Variants in POLQ observed in about 807,000 individuals in gnomAD.
POLQ encodes the protein DNA polymerase theta.
Under a neutral mutation model 259.2 loss-of-function variants are expected in POLQ, and 233 were observed. The ratio of observed to expected loss-of-function variants is 0.90; its 90% CI spans 0.81 to 1.00. POLQ has a LOEUF of 1.00. Ranked by LOEUF, POLQ falls within the 50% of genes least tolerant of loss-of-function variation. The pLI, the probability that POLQ is intolerant of heterozygous loss-of-function variation, is 0.00. For missense variants in POLQ, 2,871 were observed against 3,051.6 expected (o/e 0.94, Z 1.39); for synonymous variants, 1,025 against 1,048.8 (o/e 0.98, Z 0.44).
rs781406646 is a variant in POLQ at position 121,493,734 on chromosome 3, T to C, written c.2279-13A>G. 9 of 1,599,142 alleles carry C rather than the reference T, an allele frequency of 5.6e-6. No homozygotes were observed. The Admixed American group carries it at 8.6e-5, about 15-fold the overall frequency. ...ACTGTAATCATCCCTAGAACATTCATAGAATATTTGTTGAATTCAATTTTT... is the reference window on the plus strand; with the variant it reads ...ACTGTAATCATCCCTAGAACATTCACAGAATATTTGTTGAATTCAATTTTT... On this transcript the variant is annotated splice_polypyrimidine_tract_variant and intron_variant, in intron 14 of 29. Coordinates refer to ENST00000264233, the MANE Select transcript of POLQ (RefSeq NM_199420.4).
At chr3:121,448,988 T>C (rs954306325) in intron 26 of POLQ, among the ~76,000 whole-genome samples, 1 of 152,208 alleles carries the variant, frequency 6.6e-6, no homozygotes, top group Non-Finnish European at 1.5e-5. Context: ...GAGTTCCTAG[T>C]ATATATACTC....
chr3:121,452,110 T>C (rs994182142), intron 25 of POLQ, among the ~76,000 whole-genome samples: 8 of 152,218 alleles, frequency 5.3e-5, no homozygotes, highest in Non-Finnish European at 8.8e-5. Context: ...AATCTGTTGA[T>C]GTGCCCTTTG....
intron 26 of POLQ, among the ~76,000 whole-genome samples, chr3:121,446,963 T>A (rs1395927188): frequency 2.0e-5 from 3 of 152,156 alleles, no homozygotes; most frequent in Non-Finnish European, 4.4e-5. Context: ...AATGTTATTA[T>A]TGACAGTTAA....
At position 121,493,240 on chromosome 3, in the gene POLQ, C is replaced by T. The variant is rs541918448; in HGVS notation, c.2522+238G>A. Among the ~76,000 whole-genome samples, 16 of 150,710 alleles carry T rather than the reference C, an allele frequency of 1.1e-4. No individual in the cohort carries two copies. In the East Asian group the frequency reaches 1.8e-3, roughly 17 times the overall value. On this transcript the variant is annotated intron_variant, in intron 15 of 29. Coordinates refer to ENST00000264233, the MANE Select transcript of POLQ (RefSeq NM_199420.4). ...TCGCTTGAACCCAGGAGGTGGAGGT[C>T]GCAGTGAGCCGAGATCGCACCATTG...
At chr3:121,473,251 G>A in intron 21 of POLQ, 99 bp downstream of exon 21, 1 of 1,047,230 alleles carries the variant, frequency 9.5e-7, no homozygotes, top group African/African-American at 1.6e-5. Context: ...AATTCAAATG[G>A]TAGGCTAAGA....
intron 26 of POLQ, among the ~76,000 whole-genome samples, chr3:121,440,335 T>A (rs148046764): frequency 2.6e-5 from 4 of 152,040 alleles, no homozygotes; most frequent in Admixed American, 2.6e-4. Flanking sequence ...ACTCTTTGGG[T>A]TTTTTTGTTT....
chr3:121,454,774 A>G (rs151172168), intron 25 of POLQ, among the ~76,000 whole-genome samples: 14 of 152,286 alleles, frequency 9.2e-5, no homozygotes, highest in Admixed American at 6.5e-4. Flanking sequence ...CTCCCACACA[A>G]TAATAATGGG....
intron 15 of POLQ, among the ~76,000 whole-genome samples, chr3:121,490,744 G>C (rs950282003): frequency 6.6e-6 from 1 of 152,188 alleles, no homozygotes; most frequent in African/African-American, 2.4e-5. Context: ...AAAAGTGAAA[G>C]CCATAAAACT....
At position 121,487,714 on chromosome 3, in the gene POLQ, G is replaced by A. The variant is rs1441161221; in HGVS notation, c.5217C>T (p.Pro1739=). The A allele has an allele frequency of 3.1e-6, 5 of 1,613,684 alleles. No individual in the cohort carries two copies. The highest frequency in any genetic ancestry group is 3.4e-6 in the Non-Finnish European group (4 of 1,179,744). The change falls in exon 16 of 30, where the codon CCC becomes CCT. Residue 1739 remains proline, a synonymous_variant. Coordinates refer to ENST00000264233, the MANE Select transcript of POLQ (RefSeq NM_199420.4). ...VDDNGLIPPT[P]IPTSASKLTF... ...TCAGCTTAGAAGCAGATGTTGGAAT[G>A]GGTGTAGGAGGAATGAGACCATTAT...
intron 17 of POLQ, 23 bp from the exon 18 acceptor site, chr3:121,483,605 G>GA: frequency 7.6e-7 from 1 of 1,311,730 alleles, no homozygotes; most frequent in Non-Finnish European, 1.0e-6. Context: ...AAAAAAAAAG[G>GA]AAAAAACATT....
chr3:121,493,870 G>T, intron 14 of POLQ, 149 bp from the exon 15 acceptor site: 1 of 675,968 alleles, frequency 1.5e-6, no homozygotes, highest in East Asian at 2.7e-5. Context: ...CAAGGGAGCA[G>T]ATATATATTA....
rs150073772 is a variant in POLQ, at chr3:121,467,646, G to A, written c.6846-6C>T. ...AACCCTTCTTATATTTTCCTCTGTG[G>A]TGCAAACAACATCATCAGTTAGACA... On this transcript the variant is annotated splice_polypyrimidine_tract_variant and splice_region_variant and intron_variant, in intron 23 of 29. Coordinates refer to ENST00000264233, the MANE Select transcript of POLQ (RefSeq NM_199420.4). The A allele has an allele frequency of 6.2e-7, 1 of 1,612,874 alleles. No homozygotes were observed.
In POLQ at chr3:121,504,264, T is replaced by C. The variant is rs142649154; in HGVS notation, c.1959+5297A>G. The stretch of plus-strand genomic sequence containing the variant: ...TAAAAAGGATTATAAGGGAATACTA[T>C]GAACAAGTAAATGCCAACAAATTAG... On this transcript the variant is annotated intron_variant, in intron 12 of 29. Coordinates refer to ENST00000264233, the MANE Select transcript of POLQ (RefSeq NM_199420.4). 1.2e-3 allele frequency among the ~76,000 whole-genome samples: 181 copies of C among 152,292 alleles called. 1 individual carries two copies. Among genetic ancestry groups the C allele is most frequent in the African/African-American group, 4.2e-3 (176 of 41,568 alleles).
chr3:121,433,425 G>C (rs757774970), intron 28 of POLQ, among the ~76,000 whole-genome samples: 9 of 152,156 alleles, frequency 5.9e-5, no homozygotes, highest in Non-Finnish European at 1.2e-4. Context: ...ATATTGTTAG[G>C]CACTGTTTCT....
At chr3:121,439,718 C>G (rs1263088366) in intron 27 of POLQ, among the ~76,000 whole-genome samples, 3 of 152,164 alleles carry the variant, frequency 2.0e-5, no homozygotes, top group African/African-American at 7.2e-5. Flanking sequence ...AGTACCTAAG[C>G]TAATAAATAA....
At chr3:121,449,866 G>T (rs1245107155) in intron 25 of POLQ, among the ~76,000 whole-genome samples, 1 of 151,862 alleles carries the variant, frequency 6.6e-6, no homozygotes. Context: ...GTGACTTTAT[G>T]ACGAAGACTT....
chr3:121,435,346 C>T (rs6800901), intron 28 of POLQ, among the ~76,000 whole-genome samples: 39,621 of 151,974 alleles, frequency 0.26, 5,695 homozygotes, highest in Middle Eastern at 0.37. Flanking sequence ...AAAGTAAGAA[C>T]AAGAAAACAA....
In POLQ at chr3:121,433,004, T is replaced by A. The variant is rs755724546; in HGVS notation, c.7573A>T (p.Met2525Leu). Residue 2525 changes from methionine (M) to leucine (L), a missense_variant, in exon 29 of 30, where the codon ATG (methionine) becomes TTG (leucine). Transcript: ENST00000264233. ...GLSRKRKLQG[M>L]FCPIRGGFFI... is the part of the protein sequence containing the mutation. The stretch of plus-strand genomic sequence containing the variant: ...AAGCCTCCTCTGATTGGGCAGAACA[T>A]CCCTTGCAGTTTTCTCTTTCGTGAC... The A allele has an allele frequency of 1.2e-6, 2 of 1,611,260 alleles. No individual in the cohort carries two copies. Among genetic ancestry groups the A allele is most frequent in the East Asian group, 4.5e-5 (2 of 44,858 alleles).
intron 1 of POLQ, 64 bp downstream of exon 1, chr3:121,545,651 C>T: frequency 1.4e-6 from 2 of 1,464,554 alleles, no homozygotes; most frequent in Non-Finnish European, 9.1e-7. Flanking sequence ...GTGAGGACAC[C>T]TCCCGACCCA....
Sources: gnomAD v4.1 joint callset for allele counts (sites outside exome capture counted in the v4.1 genomes callset) on GRCh38, gnomAD v4.1.1 for gene constraint, MANE v1.5 for transcripts, NCBI Gene and HGNC (gene_info 2026-07-23, HGNC 2026-07-21) for gene names.